The following GALNT2 variants were observed in gnomAD, a reference collection of about 807,000 sequenced individuals.
GALNT2 encodes the protein polypeptide N-acetylgalactosaminyltransferase 2.
A neutral mutation model predicts 81.4 loss-of-function variants in GALNT2; 31 were observed. The ratio of observed to expected loss-of-function variants is 0.38; its 90% CI spans 0.29 to 0.51. The LOEUF (loss-of-function observed/expected upper bound fraction) is 0.51. Among genes scored for constraint, GALNT2 ranks in the 20% least tolerant of loss-of-function variants. The pLI is 0.87. For synonymous variants in GALNT2, 303 were observed against 287.4 expected, an observed-to-expected ratio of 1.05 and a Z score of -0.55; for missense variants, 629 against 765.7, an observed-to-expected ratio of 0.82 and a Z score of 2.11.
intron 3 of GALNT2, among the ~76,000 whole-genome samples, chr1:230,208,353 G>A (rs1337013338): frequency 6.6e-6 from 1 of 152,182 alleles, no homozygotes; most frequent in Non-Finnish European, 1.5e-5. Context: ...ATTGTGGCTG[G>A]CACAAGGGAA....
At chr1:230,131,063 C>CGAA (rs1661351622) in intron 1 of GALNT2, among the ~76,000 whole-genome samples, 1 of 151,876 alleles carries the variant, frequency 6.6e-6, no homozygotes. Flanking sequence ...AGAAAGAAAT[C>CGAA]AACAACCTAA....
rs1339891156 is a variant in GALNT2 at position 230,080,344 on chromosome 1, C to CT, written c.126+12941dup. Among the ~76,000 whole-genome samples, 3 of 152,118 alleles carry CT rather than the reference C, an allele frequency of 2.0e-5. No individual in the cohort carries two copies. The East Asian group carries it at 5.8e-4, about 29-fold the overall frequency. ...GACTGATGTGTGTTCAGAGTCGGAG[C>CT]TTTCTGCAGAAATTCGAGTCCTGTT... On this transcript the variant is annotated intron_variant, in intron 1 of 15. Coordinates refer to ENST00000366672, the MANE Select transcript of GALNT2 (RefSeq NM_004481.5).
intron 6 of GALNT2, among the ~76,000 whole-genome samples, chr1:230,236,976 T>G (rs1380051025): frequency 6.6e-6 from 1 of 152,264 alleles, no homozygotes; most frequent in East Asian, 1.9e-4. Context: ...AATTGGCTTC[T>G]TTCTTTCACA....
intron 3 of GALNT2, among the ~76,000 whole-genome samples, chr1:230,229,263 C>A (rs533868306): frequency 1.3e-5 from 2 of 152,222 alleles, no homozygotes; most frequent in African/African-American, 2.4e-5. Flanking sequence ...AAAACCTAAT[C>A]AAAAAATGGA....
intron 1 of GALNT2, among the ~76,000 whole-genome samples, chr1:230,082,069 C>T (rs1434167790): frequency 6.6e-6 from 1 of 152,216 alleles, no homozygotes; most frequent in African/African-American, 2.4e-5. Flanking sequence ...ACCTGCAGGT[C>T]AGTGGTGACA....
chr1:230,063,538 C>G (rs545227811), upstream of GALNT2, among the ~76,000 whole-genome samples: 44 of 152,224 alleles, frequency 2.9e-4, no homozygotes, highest in African/African-American at 1.0e-3. Flanking sequence ...TTCTGATTCC[C>G]AGGTCTAGAA....
intron 15 of GALNT2, 39 bp downstream of exon 15, chr1:230,274,603 C>T: frequency 6.2e-7 from 1 of 1,611,772 alleles, no homozygotes; most frequent in Non-Finnish European, 8.5e-7. Context: ...CGTGATTAAC[C>T]CAGACCAGGG....
chr1:230,195,733 G>C (rs913527716), intron 2 of GALNT2, among the ~76,000 whole-genome samples: 4 of 152,162 alleles, frequency 2.6e-5, no homozygotes, highest in African/African-American at 9.7e-5. Context: ...TTCCTGAGAG[G>C]TGCTGTGCCC....
chr1:230,140,644 G>C (rs1346139289), intron 1 of GALNT2, among the ~76,000 whole-genome samples: 1 of 152,210 alleles, frequency 6.6e-6, no homozygotes, highest in Non-Finnish European at 1.5e-5. Context: ...CTGCAAACGT[G>C]TATTATGGTT....
intron 1 of GALNT2, among the ~76,000 whole-genome samples, chr1:230,160,588 C>T (rs1028766913): frequency 1.1e-4 from 17 of 152,166 alleles, no homozygotes; most frequent in Admixed American, 9.2e-4. Flanking sequence ...GTAGTGGGCG[C>T]CTGTAATCCC....
chr1:230,224,243 G>A (rs1434414151), intron 3 of GALNT2, among the ~76,000 whole-genome samples: 3 of 152,216 alleles, frequency 2.0e-5, no homozygotes, highest in Admixed American at 2.0e-4. Context: ...AATGTGCAGT[G>A]TTCACATTGT....
Position 230,281,112 on chromosome 1 carries a change from G to C in GALNT2, c.*1654G>C, listed in dbSNP as rs1459223626. 6.6e-6 allele frequency: 1 copy of C among 152,260 alleles called. No individual in the cohort carries two copies. Among genetic ancestry groups the C allele is most frequent in the Non-Finnish European group, 1.5e-5 (1 of 68,092 alleles). The allele number at this position is 152,260 out of a possible 1,614,324, so 9.4% of individuals were successfully genotyped here. On this transcript the variant is annotated 3_prime_UTR_variant, in exon 16 of 16. Coordinates refer to ENST00000366672, the MANE Select transcript of GALNT2 (RefSeq NM_004481.5). ...GGGACAGCGGCGGCCTTGGAGTTAG[G>C]AGCCACCCTGGGAGGTTGTGCCGGT...
At chr1:230,061,192 ATGTGTG>A (rs58105454) in intron 1 of GALNT2, among the ~76,000 whole-genome samples, 86,725 of 148,842 alleles carry the variant, frequency 0.58, 29,370 homozygotes, top group Non-Finnish European at 0.75. Flanking sequence ...ATGAGCATAG[ATGTGTG>A]TGTGTGTGTG....
At chr1:230,112,854 A>G (rs906617467) in intron 1 of GALNT2, among the ~76,000 whole-genome samples, 1 of 152,160 alleles carries the variant, frequency 6.6e-6, no homozygotes, top group African/African-American at 2.4e-5. Context: ...GAGCCAGGAC[A>G]AAATCTTATA....
chr1:230,214,700 G>A (rs1041683045), intron 3 of GALNT2, among the ~76,000 whole-genome samples: 2 of 152,088 alleles, frequency 1.3e-5, no homozygotes, highest in Non-Finnish European at 2.9e-5. Context: ...TTCATGCCTT[G>A]TCAGTTTTGC....
At chr1:230,278,024 C>T (rs113320373) in intron 15 of GALNT2, among the ~76,000 whole-genome samples, 5 of 150,648 alleles carry the variant, frequency 3.3e-5, no homozygotes, top group Admixed American at 2.6e-4. Flanking sequence ...TTATTTGAAA[C>T]GAGCTTTGGG....
intron 1 of GALNT2, among the ~76,000 whole-genome samples, chr1:230,131,171 G>GT (rs1661356840): frequency 6.6e-6 from 1 of 151,876 alleles, no homozygotes; most frequent in Non-Finnish European, 1.5e-5. Context: ...TCCCTGAGTC[G>GT]TTTTTTAGAA....
At chr1:230,218,282 C>G (rs1664446737) in intron 3 of GALNT2, among the ~76,000 whole-genome samples, 2 of 152,164 alleles carry the variant, frequency 1.3e-5, no homozygotes, top group African/African-American at 4.8e-5. Context: ...AACCAAGCAA[C>G]TTGAAGAATG....
Position 230,058,998 on chromosome 1 carries a change from G to A in GALNT2, n.89+920G>A, listed in dbSNP as rs149732650. Among the ~76,000 whole-genome samples the A allele has an allele frequency of 2.7e-4, 41 of 152,292 alleles. No homozygotes were observed. In the East Asian group the frequency reaches 3.5e-3, roughly 13 times the overall value. ...AGTTTGGTGGGAGGGGCGTGCGAAC[G>A]AGTTCCCATTATCCAATTTCAGTGT... On this transcript the variant is annotated intron_variant and non_coding_transcript_variant, in intron 1 of 6. Transcript: ENST00000494106.
Sources: gnomAD v4.1 joint callset for allele counts (sites outside exome capture counted in the v4.1 genomes callset) on GRCh38, gnomAD v4.1.1 for gene constraint, MANE v1.5 for transcripts, NCBI Gene and HGNC (gene_info 2026-07-23, HGNC 2026-07-21) for gene names.